CIMIP3: variants seen among roughly 807,000 people sequenced by gnomAD.
The protein encoded by CIMIP3 is ciliary microtubule inner protein 3.
At chr6:42,163,053 C>T in the CIMIP3 span, 77 of 717,604 alleles carry the variant, frequency 1.1e-4, no homozygotes, top group East Asian at 1.3e-3. Flanking sequence ...GCCTATGTGC[C>T]GGTCGTTGTG....
At chr6:42,162,934 C>T in the CIMIP3 span, 4 of 672,554 alleles carry the variant, frequency 5.9e-6, no homozygotes, top group Non-Finnish European at 5.6e-6. Context: ...CACAGAAACC[C>T]TCTGTACCCA....
At chr6:42,162,265 T>G in the CIMIP3 span, among the ~76,000 whole-genome samples, 1 of 151,134 alleles carries the variant, frequency 6.6e-6, no homozygotes, top group Non-Finnish European at 1.5e-5. Flanking sequence ...AATACAAAAA[T>G]TAGCCGGGCG....
At chr6:42,160,049 G>A in the CIMIP3 span, among the ~76,000 whole-genome samples, 1 of 152,146 alleles carries the variant, frequency 6.6e-6, no homozygotes, top group Admixed American at 6.5e-5. Context: ...GCAGTGGTGT[G>A]ATCACAGCTC....
chr6:42,156,605 G>C, the CIMIP3 span, among the ~76,000 whole-genome samples: 1 of 152,202 alleles, frequency 6.6e-6, no homozygotes, highest in Admixed American at 6.5e-5. Flanking sequence ...GTTCAGACAG[G>C]TATGTGTGTG....
the CIMIP3 span, among the ~76,000 whole-genome samples, chr6:42,158,870 C>T: frequency 6.6e-6 from 1 of 152,162 alleles, no homozygotes; most frequent in African/African-American, 2.4e-5. Flanking sequence ...ACCCCTGGCC[C>T]CAACCCCATG....
At chr6:42,163,388 T>C in the CIMIP3 span, 52 of 409,976 alleles carry the variant, frequency 1.3e-4, no homozygotes, top group East Asian at 1.1e-3. Context: ...CTATTGACAA[T>C]GATAAAGGGA....
the CIMIP3 span, among the ~76,000 whole-genome samples, chr6:42,157,706 A>G: frequency 6.6e-6 from 1 of 152,094 alleles, no homozygotes; most frequent in African/African-American, 2.4e-5. Context: ...GGATAATTCT[A>G]CCTAGATTCC....
the CIMIP3 span, among the ~76,000 whole-genome samples, chr6:42,157,530 G>T: frequency 6.6e-6 from 1 of 151,846 alleles, no homozygotes; most frequent in Non-Finnish European, 1.5e-5. Flanking sequence ...GATTACAGGC[G>T]TGAGCCATGG....
the CIMIP3 span, among the ~76,000 whole-genome samples, chr6:42,161,018 A>G: frequency 6.6e-6 from 1 of 152,068 alleles, no homozygotes; most frequent in African/African-American, 2.4e-5. Context: ...GAGAAAACCC[A>G]TCTCTACTGA....
chr6:42,155,953 A>ATTTTTGTACCTCAC, the CIMIP3 span, among the ~76,000 whole-genome samples: 1 of 152,190 alleles, frequency 6.6e-6, no homozygotes, highest in Non-Finnish European at 1.5e-5. Context: ...TACAGAGATT[A>ATTTTTGTACCTCAC]TAATTTGCCT....
chr6:42,156,625 T>C, the CIMIP3 span, among the ~76,000 whole-genome samples: 9,005 of 152,262 alleles, frequency 0.059, 338 homozygotes, highest in Middle Eastern at 0.085. Context: ...GAAACCACGG[T>C]GTAACTGCCC....
At chr6:42,158,944 G>C in the CIMIP3 span, among the ~76,000 whole-genome samples, 1 of 152,192 alleles carries the variant, frequency 6.6e-6, no homozygotes, top group Non-Finnish European at 1.5e-5. Flanking sequence ...GAGCAGGGAT[G>C]GGGGGTGGGG....
chr6:42,156,327 T>C, the CIMIP3 span, among the ~76,000 whole-genome samples: 1 of 151,652 alleles, frequency 6.6e-6, no homozygotes, highest in African/African-American at 2.4e-5. Context: ...TTTTTTACTT[T>C]TTTATAAAAT....
the CIMIP3 span, among the ~76,000 whole-genome samples, chr6:42,157,602 T>G: frequency 6.6e-6 from 1 of 151,562 alleles, no homozygotes; most frequent in Non-Finnish European, 1.5e-5. Flanking sequence ...GTTGGCCAGG[T>G]TGATCTTGAA....
At chr6:42,161,889 C>T in the CIMIP3 span, among the ~76,000 whole-genome samples, 2 of 151,926 alleles carry the variant, frequency 1.3e-5, no homozygotes, top group Non-Finnish European at 2.9e-5. Context: ...GAGATAGTTG[C>T]CCTCAAGGAG....
At chr6:42,162,609 C>T in the CIMIP3 span, among the ~76,000 whole-genome samples, 2 of 140,642 alleles carry the variant, frequency 1.4e-5, no homozygotes, top group African/African-American at 5.4e-5. Flanking sequence ...AGGACACGGA[C>T]AGACGATTGG....
the CIMIP3 span, among the ~76,000 whole-genome samples, chr6:42,161,463 G>C: frequency 1.3e-5 from 2 of 152,178 alleles, no homozygotes; most frequent in Non-Finnish European, 1.5e-5. Context: ...TGCTGTCACG[G>C]TGAGGACAGT....
chr6:42,158,789 G>A, the CIMIP3 span, among the ~76,000 whole-genome samples: 3 of 152,194 alleles, frequency 2.0e-5, no homozygotes, highest in African/African-American at 7.2e-5. Flanking sequence ...TGTGAGTAAA[G>A]AGTGCCACCC....
chr6:42,160,931 G>A, the CIMIP3 span, among the ~76,000 whole-genome samples: 1 of 152,358 alleles, frequency 6.6e-6, no homozygotes, highest in African/African-American at 2.4e-5. Context: ...GCTCATGCCT[G>A]TAATCCCAGC....
Sources: allele counts gnomAD v4.1 joint callset (sites outside exome capture counted in the v4.1 genomes callset), GRCh38; gene constraint gnomAD v4.1.1; transcripts MANE v1.5; gene names NCBI Gene and HGNC (gene_info 2026-07-23, HGNC 2026-07-21).